The following DPF3 variants were observed in gnomAD, a reference collection of about 807,000 sequenced individuals.
The protein encoded by DPF3 is zinc finger protein DPF3.
DPF3 carries 18 observed loss-of-function variants against 56.8 expected under a neutral mutation model. That is an observed-to-expected ratio of 0.32 (90% confidence interval 0.22 to 0.47). The LOEUF (loss-of-function observed/expected upper bound fraction) is 0.47, where lower values mean the gene tolerates loss of function less well. DPF3 is among the 20% of genes least tolerant of loss of function. DPF3 has a pLI of 1.00. For missense variants in DPF3, 403 were observed against 488.8 expected (o/e 0.82, Z 1.65); for synonymous variants, 188 against 180.2 (o/e 1.04, Z -0.35).
At chr14:72,750,151 G>A (rs139161833) in intron 3 of DPF3, among the ~76,000 whole-genome samples, 2 of 152,272 alleles carry the variant, frequency 1.3e-5, no homozygotes, top group East Asian at 3.9e-4. Context: ...CCTGGCTAAA[G>A]TTTCTTTAAG....
chr14:72,807,967 AAACAAC>A (rs377539111), intron 1 of DPF3, among the ~76,000 whole-genome samples: 1 of 151,990 alleles, frequency 6.6e-6, no homozygotes, highest in Admixed American at 6.6e-5. Flanking sequence ...CCTGTCTCTA[AAACAAC>A]AACAACAACA....
At chr14:72,739,144 AG>A (rs1467052628) in intron 3 of DPF3, among the ~76,000 whole-genome samples, 1 of 151,804 alleles carries the variant, frequency 6.6e-6, no homozygotes, top group African/African-American at 2.4e-5. Context: ...CGAGAGGCTG[AG>A]GTGGGAGAAT....
chr14:72,796,832 C>T (rs1466441617), intron 1 of DPF3, among the ~76,000 whole-genome samples: 10 of 151,974 alleles, frequency 6.6e-5, no homozygotes, highest in Non-Finnish European at 1.0e-4. Context: ...CTGGAATCAC[C>T]GCAGACGATT....
At chr14:72,822,182 A>G (rs868208414) in intron 1 of DPF3, among the ~76,000 whole-genome samples, 1 of 152,166 alleles carries the variant, frequency 6.6e-6, no homozygotes, top group Non-Finnish European at 1.5e-5. Context: ...GTTCAAGATC[A>G]GCCTGGCCAA....
chr14:72,719,145 A>C (rs35928043), intron 5 of DPF3, among the ~76,000 whole-genome samples: 42,780 of 147,746 alleles, frequency 0.29, 6,791 homozygotes, highest in East Asian at 0.45. Context: ...TCACAGCTCA[A>C]TGAAGCCTTA....
intron 9 of DPF3, among the ~76,000 whole-genome samples, chr14:72,627,962 T>C (rs1249251348): frequency 6.6e-6 from 1 of 152,162 alleles, no homozygotes; most frequent in Non-Finnish European, 1.5e-5. Flanking sequence ...CTGTTAATTA[T>C]GTGTGTTAGT....
chr14:72,746,473 G>C (rs977121356), intron 3 of DPF3, among the ~76,000 whole-genome samples: 2 of 152,202 alleles, frequency 1.3e-5, no homozygotes, highest in African/African-American at 4.8e-5. Flanking sequence ...GTTTGTGGGG[G>C]TTGTTTCTGT....
In DPF3 at chr14:72,760,924, A is replaced by C. The variant is rs567930640; in HGVS notation, c.194-7553T>G. Among the ~76,000 whole-genome samples, 17 of 152,230 alleles carry C rather than the reference A, an allele frequency of 1.1e-4. 1 individual carries two copies. In the South Asian group the frequency reaches 3.5e-3, roughly 32 times the overall value. Reference sequence around the variant, plus strand: ...TTAATATTAATCAAAAGAGAGCTGGAGTGGCTATATTGGAATTAGACAAAG... The same window carrying C: ...TTAATATTAATCAAAAGAGAGCTGGCGTGGCTATATTGGAATTAGACAAAG... On this transcript the variant is annotated intron_variant, in intron 2 of 10. Coordinates refer to ENST00000556509, the MANE Select transcript of DPF3 (RefSeq NM_001280542.3).
intron 7 of DPF3, among the ~76,000 whole-genome samples, chr14:72,686,848 C>T (rs1473566465): frequency 2.0e-5 from 3 of 152,152 alleles, no homozygotes; most frequent in African/African-American, 7.2e-5. Flanking sequence ...GGCTTTATGG[C>T]TTTTCAGTCA....
At chr14:72,637,992 A>C (rs1885434374) in intron 8 of DPF3, among the ~76,000 whole-genome samples, 1 of 152,176 alleles carries the variant, frequency 6.6e-6, no homozygotes, top group Admixed American at 6.5e-5. Context: ...ACCGCCATGC[A>C]ATAAGTTAGG....
intron 1 of DPF3, among the ~76,000 whole-genome samples, chr14:72,848,963 G>T (rs1884864954): frequency 6.6e-6 from 1 of 152,094 alleles, no homozygotes; most frequent in Non-Finnish European, 1.5e-5. Context: ...ATACATTATG[G>T]CATTCATTTT....
At chr14:72,672,999 T>C (rs1364389273) in intron 8 of DPF3, among the ~76,000 whole-genome samples, 1 of 152,166 alleles carries the variant, frequency 6.6e-6, no homozygotes, top group Non-Finnish European at 1.5e-5. Flanking sequence ...AAAAATTCAA[T>C]GTTAGGTACC....
At chr14:72,806,194 C>T (rs939147112) in intron 1 of DPF3, 1 of 152,204 alleles carries the variant, frequency 6.6e-6, no homozygotes, top group South Asian at 2.1e-4. Context: ...TACCCGTTCC[C>T]CTCAGCTCTT....
intron 8 of DPF3, among the ~76,000 whole-genome samples, chr14:72,644,155 AGCAATT>A (rs1021025382): frequency 3.3e-5 from 5 of 152,192 alleles, no homozygotes; most frequent in Non-Finnish European, 7.3e-5. Flanking sequence ...AAGAAGAAAC[AGCAATT>A]GCACTGAGCC....
intron 1 of DPF3, among the ~76,000 whole-genome samples, chr14:72,823,868 A>T (rs1349128122): frequency 6.6e-6 from 1 of 152,234 alleles, no homozygotes; most frequent in Non-Finnish European, 1.5e-5. Context: ...GGAGAGGCTG[A>T]TCTATGCTTA....
At chr14:72,638,698 T>A (rs1317990788) in intron 8 of DPF3, among the ~76,000 whole-genome samples, 1 of 152,162 alleles carries the variant, frequency 6.6e-6, no homozygotes, top group Non-Finnish European at 1.5e-5. Context: ...AGAGTTGTGC[T>A]AAGTCAAAAG....
intron 1 of DPF3, among the ~76,000 whole-genome samples, chr14:72,803,715 A>G (rs1234152722): frequency 6.6e-6 from 1 of 152,216 alleles, no homozygotes; most frequent in Non-Finnish European, 1.5e-5. Context: ...CTAGCCTCAG[A>G]GTGAGCATCC....
intron 1 of DPF3, among the ~76,000 whole-genome samples, chr14:72,780,599 T>G (rs1457986246): frequency 6.6e-6 from 1 of 152,174 alleles, no homozygotes; most frequent in Non-Finnish European, 1.5e-5. Flanking sequence ...TCTGGCTACT[T>G]CTCCAGAGCC....
chr14:72,778,749 C>T (rs1470353862), intron 1 of DPF3, among the ~76,000 whole-genome samples: 1 of 152,044 alleles, frequency 6.6e-6, no homozygotes, highest in Non-Finnish European at 1.5e-5. Context: ...GGATGTTTCC[C>T]AAAAAAGGGC....
Sources: allele counts gnomAD v4.1 joint callset (sites outside exome capture counted in the v4.1 genomes callset), GRCh38; gene constraint gnomAD v4.1.1; transcripts MANE v1.5; gene names NCBI Gene and HGNC (gene_info 2026-07-23, HGNC 2026-07-21).